Variants in CLK1 observed in about 807,000 individuals in gnomAD.
CLK1 encodes CDC like kinase 1.
A neutral mutation model predicts 60.9 loss-of-function variants in CLK1; 40 were observed. The ratio of observed to expected loss-of-function variants is 0.66; its 90% CI spans 0.51 to 0.86. CLK1 has a LOEUF of 0.86. Ranked by LOEUF, CLK1 falls within the 40% of genes least tolerant of loss-of-function variation. The pLI, the probability that CLK1 is intolerant of heterozygous loss-of-function variation, is 0.00. For missense variants in CLK1, 563 were observed against 606.1 expected, an observed-to-expected ratio of 0.93 and a Z score of 0.75; for synonymous variants, 203 against 184.4, an observed-to-expected ratio of 1.10 and a Z score of -0.82.
chr2:200,859,774 T>C (rs1302068895), intron 4 of CLK1, 28 bp from the exon 5 acceptor site: 2 of 1,609,866 alleles, frequency 1.2e-6, no homozygotes, highest in East Asian at 2.2e-5. Flanking sequence ...ATCTCAGTCA[T>C]ATCAAGAAGT....
intron 11 of CLK1, 128 bp downstream of exon 11, chr2:200,854,488 G>T (rs2039007302): frequency 3.3e-6 from 2 of 604,444 alleles, no homozygotes; most frequent in South Asian, 2.0e-5. Context: ...TTGAGCCGAG[G>T]TCACGCCACT....
Position 200,857,776 on chromosome 2 carries a change from T to G in CLK1, c.774A>C (p.Leu258=). 6.2e-7 allele frequency: 1 copy of G among 1,613,168 alleles called. No homozygotes were observed. Among genetic ancestry groups the G allele is most frequent in the Non-Finnish European group, 8.5e-7 (1 of 1,179,542 alleles). The change falls in exon 7 of 13, where the codon CTA becomes CTC. Residue 258 remains leucine, a synonymous_variant. Transcript: ENST00000321356. ...TTCTGATATGATCCAGTCGAAATGG[T>G]AGAAAACCATTTTCTTTAATGAAGT... ...TYDFIKENGF[L]PFRLDHIRKM...
chr2:200,863,137 A>G (rs1575082574), intron 1 of CLK1: 1 of 148,424 alleles, frequency 6.7e-6, no homozygotes, highest in South Asian at 2.1e-4. Flanking sequence ...GTCTTCCGCT[A>G]CAATTCTTTT....
intron 5 of CLK1, among the ~76,000 whole-genome samples, chr2:200,858,579 C>T (rs2039082297): frequency 6.6e-6 from 1 of 152,060 alleles, no homozygotes; most frequent in Non-Finnish European, 1.5e-5. Flanking sequence ...TGCCTGTAAT[C>T]CCAGCTTCCT....
At position 200,861,948 on chromosome 2, in the gene CLK1, C is replaced by A. The variant is rs961376502; in HGVS notation, c.1-86G>T. ...CGTAATTACAAAGGTCCCCTCGTGA[C>A]CTCGTTTTAAGACCAAAATTCAAGA... is the stretch of plus-strand genomic sequence containing the variant. On this transcript the variant is annotated intron_variant, in intron 1 of 12. Coordinates refer to ENST00000321356, the MANE Select transcript of CLK1 (RefSeq NM_004071.4). 10 of 1,184,162 alleles carry A rather than the reference C, an allele frequency of 8.4e-6. No homozygotes were observed. The Admixed American group carries it at 2.2e-4, about 26-fold the overall frequency. 73.4% of individuals were successfully genotyped at this position (1,184,162 alleles called of 1,614,324 possible). A position where few individuals can be genotyped will look rare whatever the true frequency, so the allele number is the denominator to read the frequency against.
Position 200,861,717 on chromosome 2 carries a change from G to A in CLK1, c.146C>T (p.Ser49Phe). ...QENKRCKYNH[S>F]KMCDSHYLES... ...TCCTCCTTACCTATCACACATTTTA[G>A]AGTGATTGTATTTGCAGCGCTTGTT... Residue 49 changes from serine to phenylalanine, a missense_variant, in exon 2 of 13, where the codon TCT becomes TTT. Ser to Phe is a radical substitution (Grantham distance 155, BLOSUM62 -2). This residue lies in a region of CLK1 where 198 missense variants were observed against 179.2 expected (regional missense o/e 1.10). Transcript: ENST00000321356. 3.1e-6 allele frequency: 5 copies of A among 1,614,002 alleles called. No homozygotes were observed. Among genetic ancestry groups the A allele is most frequent in the Non-Finnish European group, 4.2e-6 (5 of 1,180,000 alleles).
At chr2:200,864,028 A>G (rs2039186724) in intron 1 of CLK1, 1 of 1,455,530 alleles carries the variant, frequency 6.9e-7, no homozygotes. Flanking sequence ...GCCACTCGCG[A>G]TGTTTACGCC....
At chr2:200,854,056 G>GT in intron 11 of CLK1, 63 bp from the exon 12 acceptor site, 2 of 1,081,810 alleles carry the variant, frequency 1.8e-6, no homozygotes, top group Non-Finnish European at 2.8e-6. Context: ...GCTAGCAAAG[G>GT]TATCAATTAC....
At chr2:200,854,793 A>T in intron 10 of CLK1, 98 bp from the exon 11 acceptor site, 1 of 925,990 alleles carries the variant, frequency 1.1e-6, no homozygotes, top group Non-Finnish European at 1.7e-6. Flanking sequence ...CTTGCAGAAC[A>T]AACTCGCCAA....
chr2:200,857,486 GA>G (rs1229828705), intron 7 of CLK1: 21 of 379,790 alleles, frequency 5.5e-5, no homozygotes, highest in African/African-American at 3.9e-4. Flanking sequence ...TTGCGCATCA[GA>G]AAAGTCTAAA....
intron 6 of CLK1, 24 bp downstream of exon 6, chr2:200,857,949 C>T (rs1032424699): frequency 6.2e-7 from 1 of 1,611,758 alleles, no homozygotes; most frequent in Non-Finnish European, 8.5e-7. Flanking sequence ...GATACCACTT[C>T]CCAAGTTCTA....
In CLK1 at chr2:200,861,319, C is replaced by A. The variant is rs1211208797; in HGVS notation, c.309G>T (p.Lys103Asn). 1 of 1,614,026 alleles carries A rather than the reference C, an allele frequency of 6.2e-7. No homozygotes were observed. The highest frequency in any genetic ancestry group is 8.5e-7 in the Non-Finnish European group (1 of 1,180,018). The stretch of plus-strand genomic sequence containing the variant: ...TACTTCTTCCACTTCTACCAGAAGA[C>A]TTGCTACTATGGTTCTGATACCGGC... ...HESRYQNHSS[K>N]SSGRSGRSSY... Residue 103 changes from lysine to asparagine, a missense_variant, in exon 3 of 13, where the codon AAG (lysine) becomes AAT (asparagine). By Grantham distance (94) the Lys-to-Asn change is moderately conservative (BLOSUM62 0). Coordinates refer to ENST00000321356, the MANE Select transcript of CLK1 (RefSeq NM_004071.4).
At position 200,853,434 on chromosome 2, in the gene CLK1, G is replaced by A; in HGVS notation, c.1327C>T (p.Gln443Ter). 1 of 1,600,762 alleles carries A rather than the reference G, an allele frequency of 6.2e-7. No homozygotes were observed. The highest frequency in any genetic ancestry group is 8.5e-7 in the Non-Finnish European group (1 of 1,176,896). Residue 443 changes from glutamine to a stop codon, truncating the protein, a stop_gained, in exon 13 of 13, where the codon CAA (glutamine) becomes TAA (stop). Transcript: ENST00000321356. LOFTEE classifies it high-confidence loss of function. ...CKPLKEFMLSQDVEHERLFDL... is the reference protein window; with the variant it reads ...CKPLKEFMLS ...AAGAGACGCTCATGTTCAACATCTT[G>A]AGAAAGCATAAATTCCTGGAAGAAA...
In CLK1 at chr2:200,856,113, C is replaced by A. The variant is rs138967189; in HGVS notation, c.1057+569G>T. Among the ~76,000 whole-genome samples the A allele has an allele frequency of 4.2e-3, 645 of 151,888 alleles. 6 individuals are homozygous for A. Among genetic ancestry groups the A allele is most frequent in the African/African-American group, 0.015 (615 of 41,410 alleles). ...TCTGAGATGGAGTCTCGCTCTGTCG[C>A]CCAGGCCGGAGTGCAGTGGCGCAAT... is the stretch of plus-strand genomic sequence containing the variant. On this transcript the variant is annotated intron_variant, in intron 9 of 12. Coordinates refer to ENST00000321356, the MANE Select transcript of CLK1 (RefSeq NM_004071.4).
chr2:200,860,331 C>T, intron 3 of CLK1, 116 bp from the exon 4 acceptor site: 3 of 1,530,444 alleles, frequency 2.0e-6, no homozygotes, highest in Non-Finnish European at 2.6e-6. Flanking sequence ...TTCAGATACA[C>T]GCCAGGCCAC....
intron 1 of CLK1, among the ~76,000 whole-genome samples, chr2:200,862,861 A>ACTTT (rs1559329287): frequency 1.3e-5 from 2 of 152,252 alleles, no homozygotes; most frequent in African/African-American, 4.8e-5. Flanking sequence ...ACTACCAAGG[A>ACTTT]CTTTAATCAC....
At chr2:200,857,599 C>T (rs1471175569) in intron 7 of CLK1, 119 bp downstream of exon 7, 10 of 805,068 alleles carry the variant, frequency 1.2e-5, no homozygotes, top group Admixed American at 9.3e-5. Context: ...TCTCTTCATA[C>T]CTATTCTTCC....
At chr2:200,854,116 T>C (rs569652358) in intron 11 of CLK1, 123 bp from the exon 12 acceptor site, 11 of 600,118 alleles carry the variant, frequency 1.8e-5, no homozygotes, top group African/African-American at 1.2e-4. Context: ...AGCCATGGGA[T>C]AGAAATGTTA....
At chr2:200,864,252 C>A in intron 1 of CLK1, 1 of 1,526,362 alleles carries the variant, frequency 6.6e-7, no homozygotes, top group Admixed American at 2.1e-5. Flanking sequence ...AGGCGGTTCA[C>A]AACATGGCGC....
Sources: allele counts gnomAD v4.1 joint callset (sites outside exome capture counted in the v4.1 genomes callset), GRCh38; gene constraint gnomAD v4.1.1; regional missense constraint gnomAD v4.1.1; transcripts MANE v1.5; gene names NCBI Gene and HGNC (gene_info 2026-07-23, HGNC 2026-07-21).